The following IRAK2 variants were observed in gnomAD, a reference collection of about 807,000 sequenced individuals.
IRAK2 encodes the protein interleukin 1 receptor associated kinase 2, also known as interleukin-1 receptor-associated kinase-like 2.
Under a neutral mutation model 72.0 loss-of-function variants are expected in IRAK2, and 57 were observed. The ratio of observed to expected loss-of-function variants is 0.79; its 90% CI spans 0.64 to 0.99. IRAK2 has a LOEUF of 0.99. IRAK2 is among the 50% of genes least tolerant of loss of function. IRAK2 has a pLI of 0.00. For missense variants in IRAK2, 790 were observed against 794.4 expected, an observed-to-expected ratio of 0.99 and a Z score of 0.07; for synonymous variants, 293 against 312.7, an observed-to-expected ratio of 0.94 and a Z score of 0.67.
intron 1 of IRAK2, among the ~76,000 whole-genome samples, chr3:10,173,762 C>G: frequency 6.6e-6 from 1 of 152,024 alleles, no homozygotes; most frequent in East Asian, 1.9e-4. Context: ...GAGGCATAGG[C>G]TGCAGTGAAC....
chr3:10,226,804 G>C (rs1244401529), intron 10 of IRAK2, among the ~76,000 whole-genome samples: 1 of 151,924 alleles, frequency 6.6e-6, no homozygotes, highest in East Asian at 1.9e-4. Context: ...ACATTATCCA[G>C]GTGTGGTCGC....
chr3:10,238,310 C>T (rs1697999129), intron 11 of IRAK2, among the ~76,000 whole-genome samples: 1 of 152,102 alleles, frequency 6.6e-6, no homozygotes. Flanking sequence ...CGTTGCTTGC[C>T]TCTGCTTTAC....
intron 2 of IRAK2, among the ~76,000 whole-genome samples, chr3:10,183,248 C>T (rs756830506): frequency 7.9e-5 from 12 of 152,136 alleles, no homozygotes; most frequent in Non-Finnish European, 1.3e-4. Flanking sequence ...CTCAGTGGTA[C>T]GACAGGGGCC....
chr3:10,204,208 T>C (rs1163418391), intron 3 of IRAK2, among the ~76,000 whole-genome samples: 1 of 152,238 alleles, frequency 6.6e-6, no homozygotes, highest in Non-Finnish European at 1.5e-5. Flanking sequence ...CAGACCATTA[T>C]TGCTCTTTTT....
At chr3:10,241,188 T>C (rs1698054199) in intron 12 of IRAK2, among the ~76,000 whole-genome samples, 1 of 151,102 alleles carries the variant, frequency 6.6e-6, no homozygotes, top group Non-Finnish European at 1.5e-5. Context: ...GGTGGGCTGA[T>C]TGCTTGAGCC....
rs56367439 is a variant in IRAK2 at position 10,241,286 on chromosome 3, A to C, written c.1766-830A>C. ...ATTAGCCAGGTGTGGCCAGCCAGGC[A>C]TGGTGACTCACGCCTGTAATCCTAA... On this transcript the variant is annotated intron_variant, in intron 12 of 12. Transcript: ENST00000256458. Among the ~76,000 whole-genome samples the C allele has an allele frequency of 3.0e-3, 58 of 19,520 alleles. No homozygotes were observed. In the East Asian group the frequency reaches 0.27, roughly 92 times the overall value. 12.8% of individuals were successfully genotyped at this position (19,520 alleles called of 152,430 possible).
intron 2 of IRAK2, among the ~76,000 whole-genome samples, chr3:10,196,338 C>T (rs1011088272): frequency 1.3e-5 from 2 of 152,370 alleles, no homozygotes; most frequent in Admixed American, 1.3e-4. Flanking sequence ...TGGTCCAGAA[C>T]TCCTGACCAC....
At chr3:10,221,961 T>C (rs1341033347) in intron 8 of IRAK2, among the ~76,000 whole-genome samples, 1 of 152,114 alleles carries the variant, frequency 6.6e-6, no homozygotes, top group Non-Finnish European at 1.5e-5. Context: ...TTGCCCAGGC[T>C]GGAGTGCACC....
At chr3:10,199,061 G>A (rs73026543) in intron 2 of IRAK2, among the ~76,000 whole-genome samples, 1,711 of 152,170 alleles carry the variant, frequency 0.011, 13 homozygotes, top group Admixed American at 0.016. Flanking sequence ...CCCCATAAAG[G>A]CTTCAAGCAG....
intron 9 of IRAK2, among the ~76,000 whole-genome samples, chr3:10,223,216 C>T (rs1697723666): frequency 6.6e-6 from 1 of 152,264 alleles, no homozygotes; most frequent in African/African-American, 2.4e-5. Flanking sequence ...CCGTAATTCC[C>T]ATCCAGCCAT....
Position 10,219,713 on chromosome 3 carries a change from G to T in IRAK2, c.937G>T (p.Val313Phe). The change falls in exon 8 of 13, where the codon GTC becomes TTC. Residue 313 changes from valine to phenylalanine, a missense_variant. Coordinates refer to ENST00000256458, the MANE Select transcript of IRAK2 (RefSeq NM_001570.4). ...GGACCCCCTCCCCTGGCCCCAGCGT[G>T]TCAGCATCTGCTCAGGGCTGCTCTG... ...GSDPLPWPQR[V>F]SICSGLLCAV... is the part of the protein sequence containing the mutation. The T allele has an allele frequency of 6.2e-7, 1 of 1,613,248 alleles. No homozygotes were observed. The highest frequency in any genetic ancestry group is 1.1e-5 in the South Asian group (1 of 91,058).
At chr3:10,228,529 A>G (rs1419873017) in intron 10 of IRAK2, among the ~76,000 whole-genome samples, 1 of 152,170 alleles carries the variant, frequency 6.6e-6, no homozygotes, top group African/African-American at 2.4e-5. Flanking sequence ...TCACAGTGGA[A>G]GGAGGCTTTT....
intron 10 of IRAK2, among the ~76,000 whole-genome samples, chr3:10,233,086 G>A (rs976873919): frequency 6.6e-6 from 1 of 152,076 alleles, no homozygotes; most frequent in Non-Finnish European, 1.5e-5. Flanking sequence ...GTCTCACTCT[G>A]TCGCCCAGGC....
At chr3:10,232,667 A>T (rs1401539884) in intron 10 of IRAK2, among the ~76,000 whole-genome samples, 2 of 152,148 alleles carry the variant, frequency 1.3e-5, no homozygotes, top group Non-Finnish European at 2.9e-5. Flanking sequence ...GCAGGTTTCC[A>T]TTTGGGGCAA....
intron 2 of IRAK2, among the ~76,000 whole-genome samples, chr3:10,198,794 C>A (rs1203619795): frequency 6.6e-6 from 1 of 151,978 alleles, no homozygotes; most frequent in Non-Finnish European, 1.5e-5. Flanking sequence ...TTGTCCCAGC[C>A]CTACCTGGGA....
At chr3:10,169,450 G>A (rs924768577) in intron 1 of IRAK2, among the ~76,000 whole-genome samples, 6 of 152,130 alleles carry the variant, frequency 3.9e-5, no homozygotes, top group South Asian at 2.1e-4. Context: ...CCGGGAATGC[G>A]TTCCTTCCCC....
chr3:10,192,068 T>TTGTGTGG (rs1697184592), intron 2 of IRAK2, among the ~76,000 whole-genome samples: 2 of 149,250 alleles, frequency 1.3e-5, no homozygotes, highest in African/African-American at 5.0e-5. Flanking sequence ...GTGTTGTGTG[T>TTGTGTGG]TGTGTGTGAC....
Position 10,226,430 on chromosome 3 carries a change from C to T in IRAK2, c.1269C>T (p.Tyr423=). The T allele has an allele frequency of 6.2e-7, 1 of 1,612,756 alleles. No homozygotes were observed. The highest frequency in any genetic ancestry group is 8.5e-7 in the Non-Finnish European group (1 of 1,179,398). ...PAMDNNRSPV[Y]LKDLLLSDIP... ...TGGATAACAACCGAAGCCCGGTTTA[C>T]CTGGTAAGGGAACTTGTCACATCTG... The change falls in exon 10 of 13, where the codon TAC becomes TAT. Residue 423 remains tyrosine (Y), a synonymous_variant. Transcript: ENST00000256458.
rs1012354570 is a variant in IRAK2, at chr3:10,241,099, A to G, written c.1766-1017A>G. ...AGGGTAGGTTGCAGGGCTTCCTGCA[A>G]AGACAGAGGAGATGAAAATGCTCAT... On this transcript the variant is annotated intron_variant, in intron 12 of 12. Coordinates refer to ENST00000256458, the MANE Select transcript of IRAK2 (RefSeq NM_001570.4). Among the ~76,000 whole-genome samples, 21 of 151,908 alleles carry G rather than the reference A, an allele frequency of 1.4e-4. 1 individual carries two copies. Among genetic ancestry groups the G allele is most frequent in the African/African-American group, 4.8e-4 (20 of 41,378 alleles).
Sources: gnomAD v4.1 joint callset for allele counts (sites outside exome capture counted in the v4.1 genomes callset) on GRCh38, gnomAD v4.1.1 for gene constraint, MANE v1.5 for transcripts, NCBI Gene and HGNC (gene_info 2026-07-23, HGNC 2026-07-21) for gene names.